Variants in OTUB1 observed in about 807,000 individuals in gnomAD.
The protein encoded by OTUB1 is OTU deubiquitinase, ubiquitin aldehyde binding 1, also known as ubiquitin thioesterase OTUB1.
Under a neutral mutation model 35.8 loss-of-function variants are expected in OTUB1, and 10 were observed. The ratio of observed to expected loss-of-function variants is 0.28; its 90% CI spans 0.17 to 0.47. The LOEUF is 0.47. Ranked by LOEUF, OTUB1 falls within the 20% of genes least tolerant of loss-of-function variation. The pLI is 0.99. For missense variants in OTUB1, 264 were observed against 351.6 expected, an observed-to-expected ratio of 0.75 and a Z score of 1.99; for synonymous variants, 158 against 143.8, an observed-to-expected ratio of 1.10 and a Z score of -0.71.
At chr11:63,993,525 A>G (rs1263775207) in intron 3 of OTUB1, among the ~76,000 whole-genome samples, 1 of 151,978 alleles carries the variant, frequency 6.6e-6, no homozygotes, top group Non-Finnish European at 1.5e-5. Context: ...TTAGCCGGGC[A>G]TAGTGGCGCG....
At chr11:63,992,076 G>A (rs1942677437) in intron 3 of OTUB1, among the ~76,000 whole-genome samples, 1 of 152,252 alleles carries the variant, frequency 6.6e-6, no homozygotes, top group African/African-American at 2.4e-5. Context: ...AATTAGCCGG[G>A]TGTGGTGGCG....
intron 3 of OTUB1, among the ~76,000 whole-genome samples, chr11:63,991,309 C>CTTCA (rs796895250): frequency 2.0e-5 from 3 of 152,154 alleles, no homozygotes; most frequent in African/African-American, 4.8e-5. Flanking sequence ...AGGGGGTGAG[C>CTTCA]TTCATTCATT....
At chr11:63,988,817 G>C in intron 3 of OTUB1, 65 bp downstream of exon 3, 1 of 1,022,468 alleles carries the variant, frequency 9.8e-7, no homozygotes, top group Non-Finnish European at 1.5e-6. Context: ...GCCTGCTTCA[G>C]ACTTGCTTCC....
rs554198936 is a variant in OTUB1, at chr11:63,993,548, C to A, written c.220-2982C>A. On this transcript the variant is annotated intron_variant, in intron 3 of 6. Coordinates refer to ENST00000538426, the MANE Select transcript of OTUB1 (RefSeq NM_017670.3). ...GCATAGTGGCGCGCGCCTGTAGTCC[C>A]AGCTACTCAGGAGGCTGAGACAGGA... Among the ~76,000 whole-genome samples the A allele has an allele frequency of 1.3e-4, 20 of 151,900 alleles. No individual in the cohort carries two copies. The South Asian group carries it at 3.8e-3, about 28-fold the overall frequency.
rs772118430 is a variant in OTUB1, at chr11:63,997,516, G to T, written c.786G>T (p.Arg262=). 6.2e-7 allele frequency: 1 copy of T among 1,614,030 alleles called. No individual in the cohort carries two copies. Among genetic ancestry groups the T allele is most frequent in the Non-Finnish European group, 8.5e-7 (1 of 1,180,010 alleles). Residue 262 remains arginine, a synonymous_variant, in exon 7 of 7, where the codon CGG becomes CGT. Coordinates refer to ENST00000538426, the MANE Select transcript of OTUB1 (RefSeq NM_017670.3). ...GSEPKVYLLY[R]PGHYDILYK ...AGCCCAAGGTCTACCTTCTCTACCG[G>T]CCTGGACACTACGATATCCTCTACA...
chr11:63,986,579 G>T, intron 1 of OTUB1, 65 bp downstream of exon 1: 1 of 1,428,618 alleles, frequency 7.0e-7, no homozygotes, highest in Non-Finnish European at 9.5e-7. Context: ...AGCTGCTCCC[G>T]AGGAGGGAGG....
intron 3 of OTUB1, among the ~76,000 whole-genome samples, chr11:63,992,349 G>A (rs1186252263): frequency 2.6e-5 from 4 of 151,536 alleles, no homozygotes; most frequent in Non-Finnish European, 4.4e-5. Context: ...GCGTCCGAGA[G>A]CAGTGCCCAC....
chr11:63,988,832 G>A, intron 3 of OTUB1, 80 bp downstream of exon 3: 1 of 880,806 alleles, frequency 1.1e-6, no homozygotes, highest in Admixed American at 1.7e-5. Context: ...GCTTCCTGCT[G>A]GGTCTGTCAC....
intron 3 of OTUB1, among the ~76,000 whole-genome samples, chr11:63,994,739 G>A (rs1401160039): frequency 6.6e-6 from 1 of 152,258 alleles, no homozygotes; most frequent in Non-Finnish European, 1.5e-5. Flanking sequence ...AGTGGCCTCA[G>A]TTCTGCTAAG....
Position 63,996,750 on chromosome 11 carries a change from G to A in OTUB1, c.338+102G>A, listed in dbSNP as rs766972925. The A allele has an allele frequency of 1.6e-5, 26 of 1,609,792 alleles. No individual in the cohort carries two copies. In the South Asian group the frequency reaches 2.0e-4, roughly 12 times the overall value. ...TAGGGTGTCTCCCTCCTTCCCGGGC[G>A]ATGGGCTGGACTCTGGCCTTGCCAG... On this transcript the variant is annotated intron_variant, in intron 4 of 6. Transcript: ENST00000538426.
intron 3 of OTUB1, among the ~76,000 whole-genome samples, chr11:63,991,707 A>G (rs568815796): frequency 6.6e-6 from 1 of 152,234 alleles, no homozygotes; most frequent in African/African-American, 2.4e-5. Flanking sequence ...AGCAGTGGTG[A>G]TTTGGGTTCT....
At chr11:63,994,769 G>A (rs776938321) in intron 3 of OTUB1, among the ~76,000 whole-genome samples, 2 of 152,212 alleles carry the variant, frequency 1.3e-5, no homozygotes, top group Non-Finnish European at 2.9e-5. Context: ...GGGGTGGGGC[G>A]CTGGGTTTGC....
intron 3 of OTUB1, 150 bp from the exon 4 acceptor site, chr11:63,996,380 C>A: frequency 1.3e-6 from 1 of 775,484 alleles, no homozygotes; most frequent in Non-Finnish European, 2.1e-6. Context: ...TTGCCACATT[C>A]AGCAGCCTGT....
At chr11:63,991,412 C>T (rs1477456131) in intron 3 of OTUB1, among the ~76,000 whole-genome samples, 2 of 152,196 alleles carry the variant, frequency 1.3e-5, no homozygotes, top group Non-Finnish European at 1.5e-5. Context: ...ACAGGACAGG[C>T]TGGGCCCCAG....
intron 3 of OTUB1, among the ~76,000 whole-genome samples, chr11:63,995,757 C>T (rs1348740389): frequency 6.6e-6 from 1 of 151,112 alleles, no homozygotes; most frequent in Non-Finnish European, 1.5e-5. Context: ...CTGGTGGGGG[C>T]TGAGGAAAAA....
intron 5 of OTUB1, 46 bp from the exon 6 acceptor site, chr11:63,997,004 C>T (rs1390170384): frequency 6.2e-7 from 1 of 1,610,602 alleles, no homozygotes; most frequent in African/African-American, 1.3e-5. Flanking sequence ...TGAGGACCAC[C>T]CATCTCCTCC....
intron 3 of OTUB1, among the ~76,000 whole-genome samples, chr11:63,991,900 G>A (rs974486512): frequency 2.0e-5 from 3 of 152,176 alleles, no homozygotes; most frequent in Admixed American, 1.3e-4. Flanking sequence ...ATCAGAAGGC[G>A]GTGAGTGCTG....
At position 63,988,646 on chromosome 11, in the gene OTUB1, T is replaced by G; in HGVS notation, c.121-8T>G. The G allele has an allele frequency of 6.2e-7, 1 of 1,600,472 alleles. No individual in the cohort carries two copies. Among genetic ancestry groups the G allele is most frequent in the Non-Finnish European group, 8.6e-7 (1 of 1,167,876 alleles). On this transcript the variant is annotated splice_polypyrimidine_tract_variant and splice_region_variant and intron_variant, in intron 2 of 6. Coordinates refer to ENST00000538426, the MANE Select transcript of OTUB1 (RefSeq NM_017670.3). ...TGCTAGGACATGACAGATCCCTGCCTCCTCCAGATTGCTGTGCAGAACCCT... is the reference window on the plus strand; with the variant it reads ...TGCTAGGACATGACAGATCCCTGCCGCCTCCAGATTGCTGTGCAGAACCCT...
intron 3 of OTUB1, among the ~76,000 whole-genome samples, chr11:63,992,454 A>AGCTGG: frequency 2.0e-4 from 1 of 4,908 alleles, no homozygotes; most frequent in Non-Finnish European, 5.0e-4. Flanking sequence ...TGGGGAACTG[A>AGCTGG]GCGGGGCGGG....
Sources: gnomAD v4.1 joint callset for allele counts (sites outside exome capture counted in the v4.1 genomes callset) on GRCh38, gnomAD v4.1.1 for gene constraint, MANE v1.5 for transcripts, NCBI Gene and HGNC (gene_info 2026-07-23, HGNC 2026-07-21) for gene names.